ANO2: variants seen among roughly 807,000 people sequenced by gnomAD.
The protein encoded by ANO2 is anoctamin 2, also known as anoctamin-2.
A neutral mutation model predicts 124.2 loss-of-function variants in ANO2; 101 were observed. The observed-to-expected ratio is 0.81, with a 90% CI of 0.69 to 0.96. The LOEUF (loss-of-function observed/expected upper bound fraction) is 0.96. Among genes scored for constraint, ANO2 ranks in the 40% least tolerant of loss-of-function variants. The probability of loss-of-function intolerance (pLI) is 0.00; values close to 1 mark genes in which losing one functional copy is unlikely to be tolerated. For missense variants in ANO2, 1,293 were observed against 1,274.5 expected (o/e 1.01, Z -0.22); for synonymous variants, 486 against 482.5 (o/e 1.01, Z -0.09).
chr12:5,865,456 A>G (rs907172410), intron 3 of ANO2, among the ~76,000 whole-genome samples: 6 of 151,924 alleles, frequency 3.9e-5, no homozygotes, highest in Non-Finnish European at 8.8e-5. Context: ...CCACCACACT[A>G]CCATTTCATC....
chr12:5,828,420 C>A (rs1157965137), intron 6 of ANO2, among the ~76,000 whole-genome samples: 1 of 152,214 alleles, frequency 6.6e-6, no homozygotes, highest in Non-Finnish European at 1.5e-5. Flanking sequence ...TCGGGGACGC[C>A]AGCCAGACCG....
intron 21 of ANO2, 28 bp downstream of exon 21, chr12:5,578,338 T>TGGTGGGGCCTCTA: frequency 6.2e-7 from 1 of 1,606,696 alleles, no homozygotes; most frequent in South Asian, 1.1e-5. Context: ...AGGATGGGCC[T>TGGTGGGGCCTCTA]GGTGGGGCCT....
At chr12:5,791,653 G>T (rs756771490) in intron 10 of ANO2, among the ~76,000 whole-genome samples, 3 of 152,198 alleles carry the variant, frequency 2.0e-5, no homozygotes, top group Non-Finnish European at 4.4e-5. Context: ...AATTCCAGAT[G>T]AGCTTGCTCT....
In ANO2 at chr12:5,850,276, C is replaced by T. The variant is rs150705267; in HGVS notation, c.633+3767G>A. 3.1e-3 allele frequency among the ~76,000 whole-genome samples: 469 copies of T among 151,910 alleles called. 5 individuals are homozygous for T. Among genetic ancestry groups the T allele is most frequent in the Non-Finnish European group, 4.7e-3 (319 of 67,966 alleles). ...ACTAAAAATACAAAAAATAGCCGGG[C>T]GTGGTGGCGCGTACTTATAGTCCCA... is the stretch of plus-strand genomic sequence containing the variant. On this transcript the variant is annotated intron_variant, in intron 4 of 24. Coordinates refer to ENST00000682330, the MANE Select transcript of ANO2 (RefSeq NM_001364791.2).
intron 10 of ANO2, among the ~76,000 whole-genome samples, chr12:5,759,104 A>G (rs1257016589): frequency 6.6e-6 from 1 of 151,664 alleles, no homozygotes; most frequent in African/African-American, 2.4e-5. Flanking sequence ...AAGAAAGAAC[A>G]GAGAAGAATA....
intron 23 of ANO2, among the ~76,000 whole-genome samples, chr12:5,575,186 C>G (rs959242530): frequency 1.2e-4 from 18 of 152,310 alleles, no homozygotes; most frequent in African/African-American, 4.3e-4. Flanking sequence ...TGCTCATGGT[C>G]CATACATAAG....
rs181922230 is a variant in ANO2, at chr12:5,615,084, G to A, written c.1928+102C>T. 3.3e-4 allele frequency: 277 copies of A among 840,924 alleles called. 5 individuals carry two copies. In the East Asian group the frequency reaches 4.6e-3, roughly 14 times the overall value. The allele number at this position is 840,924 out of a possible 1,614,324, so 52.1% of individuals were successfully genotyped here. A position where few individuals can be genotyped will look rare whatever the true frequency, so the allele number is the denominator to read the frequency against. The stretch of plus-strand genomic sequence containing the variant: ...AAAGTGGGGCGGAGAAGGGGCTGAC[G>A]CTGAGTGGACAATGGGGACAGGCTG... On this transcript the variant is annotated intron_variant, in intron 17 of 24. Coordinates refer to ENST00000682330, the MANE Select transcript of ANO2 (RefSeq NM_001364791.2).
At position 5,733,652 on chromosome 12, in the gene ANO2, C is replaced by T. The variant is rs548342697; in HGVS notation, c.1435-1022G>A. Reference sequence around the variant, plus strand: ...ACCTGTCTCTGGCTTTCCCAAGACACGCCATGATGCAGGAGAGGACAGACC... The same window carrying T: ...ACCTGTCTCTGGCTTTCCCAAGACATGCCATGATGCAGGAGAGGACAGACC... On this transcript the variant is annotated intron_variant, in intron 13 of 24. Transcript: ENST00000682330. Among the ~76,000 whole-genome samples the T allele has an allele frequency of 3.9e-5, 6 of 152,306 alleles. No individual in the cohort carries two copies. In the East Asian group the frequency reaches 9.7e-4, roughly 25 times the overall value.
Position 5,706,070 on chromosome 12 carries a change from T to C in ANO2, c.1545+26450A>G, listed in dbSNP as rs148242824. ...AAGGGTGGCCGAGGGTCAGAGAAAG[T>C]GCATTGTACGCTGGCTTTGCAACTG... On this transcript the variant is annotated intron_variant, in intron 14 of 24. Coordinates refer to ENST00000682330, the MANE Select transcript of ANO2 (RefSeq NM_001364791.2). Among the ~76,000 whole-genome samples the C allele has an allele frequency of 2.4e-3, 370 of 152,292 alleles. 7 individuals carry two copies. In the South Asian group the frequency reaches 0.03, roughly 13 times the overall value.
intron 10 of ANO2, among the ~76,000 whole-genome samples, chr12:5,759,152 C>CAAAAAAAAAAAAAAAAAAA (rs34935879): frequency 1.5e-5 from 2 of 137,008 alleles, no homozygotes; most frequent in Non-Finnish European, 3.1e-5. Context: ...CCAAAAGTTA[C>CAAAAAAAAAAAAAAAAAAA]AAAAAAAAAA....
At chr12:5,847,182 C>T (rs2137242781) in intron 4 of ANO2, among the ~76,000 whole-genome samples, 3 of 152,316 alleles carry the variant, frequency 2.0e-5, no homozygotes, top group Middle Eastern at 6.8e-3. Context: ...AAAGGCTGAC[C>T]TTCCCACAGG....
intron 22 of ANO2, among the ~76,000 whole-genome samples, chr12:5,576,841 C>T (rs1050752655): frequency 1.6e-4 from 24 of 152,308 alleles, no homozygotes; most frequent in South Asian, 4.2e-4. Flanking sequence ...TGAATGTGAA[C>T]GGCCAGAACC....
At position 5,770,336 on chromosome 12, in the gene ANO2, T is replaced by C. The variant is rs368716518; in HGVS notation, c.1056-19366A>G. 3.3e-5 allele frequency among the ~76,000 whole-genome samples: 5 copies of C among 152,306 alleles called. No individual in the cohort carries two copies. The East Asian group carries it at 5.8e-4, about 18-fold the overall frequency. ...CAATCTCATGAACCCACCAGTCTAC[T>C]TGACATTTCCCCGTGAGTGGCTAAC... is the stretch of plus-strand genomic sequence containing the variant. On this transcript the variant is annotated intron_variant, in intron 10 of 24. Transcript: ENST00000682330.
chr12:5,578,044 G>C (rs766013371), intron 21 of ANO2, 37 bp from the exon 22 acceptor site: 1 of 1,602,206 alleles, frequency 6.2e-7, no homozygotes, highest in Admixed American at 1.7e-5. Flanking sequence ...GCTCACTCCC[G>C]CCCTCGGCCC....
At chr12:5,758,038 T>C (rs1951631271) in intron 10 of ANO2, among the ~76,000 whole-genome samples, 1 of 151,944 alleles carries the variant, frequency 6.6e-6, no homozygotes, top group South Asian at 2.1e-4. Context: ...CACACAGGTA[T>C]GAAAAACCAT....
chr12:5,934,450 A>G (rs913418942), intron 1 of ANO2, among the ~76,000 whole-genome samples: 1 of 152,258 alleles, frequency 6.6e-6, no homozygotes, highest in Admixed American at 6.5e-5. Flanking sequence ...GAATAAGAAT[A>G]AGAGAGAATT....
chr12:5,662,243 T>C (rs958773167), intron 14 of ANO2, among the ~76,000 whole-genome samples: 1 of 152,268 alleles, frequency 6.6e-6, no homozygotes, highest in Non-Finnish European at 1.5e-5. Context: ...CCTATGCAGC[T>C]ACCTTGCATT....
At chr12:5,827,216 T>C (rs1953982459) in intron 7 of ANO2, among the ~76,000 whole-genome samples, 1 of 152,050 alleles carries the variant, frequency 6.6e-6, no homozygotes, top group Non-Finnish European at 1.5e-5. Flanking sequence ...TCCAAGACAA[T>C]TACCCTAATA....
intron 3 of ANO2, among the ~76,000 whole-genome samples, chr12:5,911,371 A>G (rs954002052): frequency 6.6e-6 from 1 of 152,162 alleles, no homozygotes. Flanking sequence ...CCAGACCGAT[A>G]AAGACCCTGA....
Sources: gnomAD v4.1 joint callset for allele counts (sites outside exome capture counted in the v4.1 genomes callset) on GRCh38, gnomAD v4.1.1 for gene constraint, MANE v1.5 for transcripts, NCBI Gene and HGNC (gene_info 2026-07-23, HGNC 2026-07-21) for gene names.